Variants in MECOM observed in about 807,000 individuals in gnomAD.
The protein encoded by MECOM is MDS1 and EVI1 complex locus, also known as histone-lysine N-methyltransferase MECOM.
Under a neutral mutation model 116.3 loss-of-function variants are expected in MECOM, and 13 were observed. The observed-to-expected ratio is 0.11, with a 90% CI of 0.07 to 0.18. MECOM has a LOEUF of 0.18. Among genes scored for constraint, MECOM ranks in the 10% least tolerant of loss-of-function variants. The pLI, the probability that MECOM is intolerant of heterozygous loss-of-function variation, is 1.00. For synonymous variants in MECOM, 528 were observed against 535.2 expected, an observed-to-expected ratio of 0.99 and a Z score of 0.19; for missense variants, 1,299 against 1,509.0, an observed-to-expected ratio of 0.86 and a Z score of 2.31.
chr3:169,285,822 C>T (rs1021106080), intron 2 of MECOM, among the ~76,000 whole-genome samples: 1 of 152,138 alleles, frequency 6.6e-6, no homozygotes, highest in Non-Finnish European at 1.5e-5. Flanking sequence ...ATTCCAATTT[C>T]TTAATGGGGT....
intron 1 of MECOM, among the ~76,000 whole-genome samples, chr3:169,512,044 A>C (rs1355400729): frequency 6.6e-6 from 1 of 152,140 alleles, no homozygotes; most frequent in Non-Finnish European, 1.5e-5. Flanking sequence ...CTTGGGCCTC[A>C]TTTGTTTCTT....
At chr3:169,297,858 G>A (rs2149707743) in intron 2 of MECOM, among the ~76,000 whole-genome samples, 1 of 152,276 alleles carries the variant, frequency 6.6e-6, no homozygotes, top group African/African-American at 2.4e-5. Context: ...AATCTCAAAT[G>A]TTTGAAATAA....
At chr3:169,588,425 T>C (rs1438203937) in intron 1 of MECOM, among the ~76,000 whole-genome samples, 1 of 152,164 alleles carries the variant, frequency 6.6e-6, no homozygotes, top group East Asian at 1.9e-4. Flanking sequence ...CTACAATTCG[T>C]CCCATTAAAA....
intron 2 of MECOM, among the ~76,000 whole-genome samples, chr3:169,248,821 G>A (rs532211465): frequency 1.3e-5 from 2 of 152,288 alleles, no homozygotes; most frequent in South Asian, 4.1e-4. Flanking sequence ...GTAGAGATCT[G>A]CAAGCCAAGG....
At chr3:169,471,447 A>AATGAAAGC (rs71166257) in intron 1 of MECOM, among the ~76,000 whole-genome samples, 55,242 of 151,834 alleles carry the variant, frequency 0.36, 10,560 homozygotes, top group Middle Eastern at 0.46. Flanking sequence ...CATATATTTA[A>AATGAAAGC]ATGAAAGCAG....
chr3:169,279,295 C>T (rs1041224061), intron 2 of MECOM, among the ~76,000 whole-genome samples: 6 of 152,268 alleles, frequency 3.9e-5, no homozygotes, highest in Admixed American at 3.9e-4. Context: ...ATTTAGAATC[C>T]AATGTCTTGT....
At chr3:169,543,085 A>AT (rs1760298989) in intron 1 of MECOM, among the ~76,000 whole-genome samples, 1 of 152,212 alleles carries the variant, frequency 6.6e-6, no homozygotes, top group African/African-American at 2.4e-5. Flanking sequence ...AATGTGCATT[A>AT]TTTTTTTAAT....
At chr3:169,444,458 C>A (rs1434824434) in intron 1 of MECOM, among the ~76,000 whole-genome samples, 7 of 152,162 alleles carry the variant, frequency 4.6e-5, no homozygotes, top group Non-Finnish European at 1.0e-4. Flanking sequence ...CTCATGAGAT[C>A]TGATGGGTTT....
At chr3:169,516,547 C>A (rs563398825) in intron 1 of MECOM, among the ~76,000 whole-genome samples, 74 of 151,986 alleles carry the variant, frequency 4.9e-4, no homozygotes, top group South Asian at 1.9e-3. Flanking sequence ...ACTGTGTAAC[C>A]AAAGCCCTGT....
intron 2 of MECOM, among the ~76,000 whole-genome samples, chr3:169,289,611 C>T (rs1714091472): frequency 6.6e-6 from 1 of 152,198 alleles, no homozygotes; most frequent in Non-Finnish European, 1.5e-5. Context: ...CCCTGACAGG[C>T]TGTGCAACCC....
At chr3:169,644,952 G>A (rs368604866) in intron 1 of MECOM, among the ~76,000 whole-genome samples, 20 of 152,226 alleles carry the variant, frequency 1.3e-4, no homozygotes, top group African/African-American at 4.8e-4. Context: ...CTCTCTTTGA[G>A]TAAAGCCATT....
intron 2 of MECOM, among the ~76,000 whole-genome samples, chr3:169,332,453 C>T (rs913944354): frequency 4.7e-4 from 71 of 151,960 alleles, no homozygotes; most frequent in Non-Finnish European, 1.9e-4. Flanking sequence ...GAGTCAGAGC[C>T]AGAATATTTG....
At chr3:169,478,515 G>A (rs768439629) in intron 1 of MECOM, among the ~76,000 whole-genome samples, 1 of 152,082 alleles carries the variant, frequency 6.6e-6, no homozygotes, top group Non-Finnish European at 1.5e-5. Context: ...ACAAGTGAGG[G>A]TACGAATACT....
chr3:169,576,796 T>TAC (rs373881811), intron 1 of MECOM, among the ~76,000 whole-genome samples: 2,510 of 136,516 alleles, frequency 0.018, 35 homozygotes, highest in South Asian at 0.048. Context: ...CTTCCTGTTT[T>TAC]ACACACACAC....
chr3:169,636,215 C>T (rs1772732438), intron 1 of MECOM, among the ~76,000 whole-genome samples: 1 of 152,178 alleles, frequency 6.6e-6, no homozygotes, highest in African/African-American at 2.4e-5. Flanking sequence ...ATGTCTAACT[C>T]ACCCTGCCAA....
intron 1 of MECOM, among the ~76,000 whole-genome samples, chr3:169,399,768 T>C (rs17738497): frequency 0.18 from 26,676 of 152,212 alleles, 2,835 homozygotes; most frequent in East Asian, 0.25. Context: ...CTTTTTTGTT[T>C]TGGACTTGAA....
intron 1 of MECOM, among the ~76,000 whole-genome samples, chr3:169,400,957 C>A (rs1166767345): frequency 6.6e-6 from 1 of 152,164 alleles, no homozygotes; most frequent in Non-Finnish European, 1.5e-5. Context: ...AGCTCCAGAT[C>A]TCAAATATCC....
At chr3:169,375,364 C>A (rs577990816) in intron 2 of MECOM, among the ~76,000 whole-genome samples, 10 of 147,020 alleles carry the variant, frequency 6.8e-5, no homozygotes, top group South Asian at 6.5e-4. Context: ...AAAAATCCTT[C>A]AAAAAAAAAT....
chr3:169,663,474 GTCTCTCTCTCTCTCTC>G lies in MECOM; in HGVS notation c.-118_-103del, dbSNP rs71166260. ...CTCTCGCTCCCTCCCTCTCTCTCCT[GTCTCTCTCTCTCTCTC>G]TCTCTCTCTCTCTCTCTCTCTCTCT... On this transcript the variant is annotated 5_prime_UTR_variant, in exon 1 of 17. Coordinates refer to ENST00000651503, the MANE Select transcript of MECOM (RefSeq NM_004991.4). The G allele has an allele frequency of 0.022, 12,410 of 567,912 alleles. 75 individuals are homozygous for G. Among genetic ancestry groups the G allele is most frequent in the African/African-American group, 0.033 (733 of 22,096 alleles). The allele number at this position is 567,912 out of a possible 1,614,324, so 35.2% of individuals were successfully genotyped here. A position where few individuals can be genotyped will look rare whatever the true frequency, so the allele number is the denominator to read the frequency against.
Sources: allele counts gnomAD v4.1 joint callset (sites outside exome capture counted in the v4.1 genomes callset), GRCh38; gene constraint gnomAD v4.1.1; transcripts MANE v1.5; gene names NCBI Gene and HGNC (gene_info 2026-07-23, HGNC 2026-07-21).